The following RUNX1 variants were observed in gnomAD, a reference collection of about 807,000 sequenced individuals.
The protein encoded by RUNX1 is runt-related transcription factor 1.
Under a neutral mutation model 42.8 loss-of-function variants are expected in RUNX1, and 19 were observed. That is an observed-to-expected ratio of 0.44 (90% CI 0.31 to 0.65). RUNX1 has a LOEUF of 0.65. RUNX1 is among the 30% of genes least tolerant of loss of function. The pLI is 0.07. For synonymous variants in RUNX1, 271 were observed against 289.4 expected (o/e 0.94, Z 0.64); for missense variants, 528 against 672.0 (o/e 0.79, Z 2.37).
chr21:34,858,167 G>A lies in RUNX1; in HGVS notation c.613+1307C>T, dbSNP rs1486138589. 3.3e-5 allele frequency among the ~76,000 whole-genome samples: 5 copies of A among 152,346 alleles called. No homozygotes were observed. The East Asian group carries it at 9.6e-4, about 29-fold the overall frequency. ...CTTTGGGAAAGTTGATGCAGCTTGG[G>A]GAATGGTTCCAGAAGGTGACCCAGA... On this transcript the variant is annotated intron_variant, in intron 6 of 8. Transcript: ENST00000675419.
chr21:35,042,437 G>A (rs533375146), intron 2 of RUNX1, among the ~76,000 whole-genome samples: 2 of 152,318 alleles, frequency 1.3e-5, no homozygotes, highest in South Asian at 2.1e-4. Flanking sequence ...CTGGGTTCAC[G>A]AGACATCTGC....
chr21:34,842,686 A>C (rs1408978475), intron 6 of RUNX1, among the ~76,000 whole-genome samples: 4 of 152,080 alleles, frequency 2.6e-5, no homozygotes, highest in Admixed American at 1.3e-4. Context: ...AGAGACATAC[A>C]AAAACACAGA....
intron 7 of RUNX1, among the ~76,000 whole-genome samples, chr21:34,832,456 G>C (rs917400970): frequency 6.6e-6 from 1 of 152,106 alleles, no homozygotes; most frequent in Admixed American, 6.5e-5. Flanking sequence ...AAGACTTTTT[G>C]TTCCCATATC....
At position 35,005,579 on chromosome 21, in the gene RUNX1, C is replaced by T. The variant is rs2059078507; in HGVS notation, c.58+43263G>A. On this transcript the variant is annotated intron_variant, in intron 2 of 8. Transcript: ENST00000675419. Reference sequence around the variant, plus strand: ...ACAGGCTCCACAGTTCCATCCTCATCCCTGGCACCTAATCATAAAGGACAT... The same window carrying T: ...ACAGGCTCCACAGTTCCATCCTCATTCCTGGCACCTAATCATAAAGGACAT... 3.3e-5 allele frequency among the ~76,000 whole-genome samples: 5 copies of T among 152,210 alleles called. No homozygotes were observed. In the South Asian group the frequency reaches 1.0e-3, roughly 32 times the overall value.
intron 2 of RUNX1, among the ~76,000 whole-genome samples, chr21:35,010,215 T>C (rs1232820734): frequency 6.6e-6 from 1 of 152,156 alleles, no homozygotes; most frequent in East Asian, 1.9e-4. Context: ...CCTCCCTAAA[T>C]TTATACCAAT....
At chr21:34,888,268 AG>A in intron 3 of RUNX1, 1 of 1,067,334 alleles carries the variant, frequency 9.4e-7, no homozygotes, top group Non-Finnish European at 1.1e-6. Context: ...GCGGGCCTTG[AG>A]GGAGGGCTCC....
At chr21:34,923,061 C>T (rs770712116) in intron 2 of RUNX1, among the ~76,000 whole-genome samples, 1 of 152,174 alleles carries the variant, frequency 6.6e-6, no homozygotes, top group Non-Finnish European at 1.5e-5. Context: ...TACAGATGGT[C>T]ATTACCAATG....
intron 7 of RUNX1, among the ~76,000 whole-genome samples, chr21:34,812,509 C>T (rs921498972): frequency 1.3e-5 from 2 of 152,332 alleles, no homozygotes; most frequent in East Asian, 1.9e-4. Context: ...AATCTACACT[C>T]GCTCACCCCA....
rs368385070 is a variant in RUNX1 at position 34,899,061 on chromosome 21, G to A, written c.59-6098C>T. Among the ~76,000 whole-genome samples the A allele has an allele frequency of 3.3e-5, 5 of 152,170 alleles. No homozygotes were observed. In the South Asian group the frequency reaches 6.2e-4, roughly 19 times the overall value. ...CCTGAGAAGTTGGGATTACTGGCAC[G>A]TGCCACCATGCCCAGGTACTTTTTG... is the stretch of plus-strand genomic sequence containing the variant. On this transcript the variant is annotated intron_variant, in intron 2 of 8. Coordinates refer to ENST00000675419, the MANE Select transcript of RUNX1 (RefSeq NM_001754.5).
At chr21:35,045,672 A>G (rs555049963) in intron 2 of RUNX1, among the ~76,000 whole-genome samples, 3 of 152,120 alleles carry the variant, frequency 2.0e-5, no homozygotes, top group Non-Finnish European at 4.4e-5. Context: ...GTGAAAATAA[A>G]TTTCTGTGGC....
chr21:34,869,359 AG>A (rs1434318084), intron 5 of RUNX1, among the ~76,000 whole-genome samples: 1 of 152,178 alleles, frequency 6.6e-6, no homozygotes, highest in African/African-American at 2.4e-5. Context: ...GGGGAGACTG[AG>A]GCTGGCACAT....
intron 5 of RUNX1, among the ~76,000 whole-genome samples, chr21:34,876,855 TTTTTC>T (rs1438024484): frequency 1.2e-5 from 1 of 80,800 alleles, no homozygotes; most frequent in Non-Finnish European, 3.1e-5. Flanking sequence ...CTAAAATTTC[TTTTTC>T]TTTTTTCTTT....
At chr21:35,000,334 G>A (rs1249863582) in intron 2 of RUNX1, among the ~76,000 whole-genome samples, 6 of 146,946 alleles carry the variant, frequency 4.1e-5, no homozygotes, top group Non-Finnish European at 8.9e-5. Flanking sequence ...TCCGCCTCCC[G>A]GGTTCACGCC....
intron 2 of RUNX1, among the ~76,000 whole-genome samples, chr21:34,988,952 C>T (rs757100725): frequency 6.6e-6 from 1 of 151,792 alleles, no homozygotes; most frequent in Non-Finnish European, 1.5e-5. Flanking sequence ...CAGGTTCAGG[C>T]AAAGTGGAGA....
intron 6 of RUNX1, among the ~76,000 whole-genome samples, chr21:34,855,005 A>G (rs1343367497): frequency 1.3e-5 from 2 of 152,188 alleles, no homozygotes; most frequent in Non-Finnish European, 1.5e-5. Context: ...CAAGCAGAAC[A>G]CAGTCACGTG....
Position 34,890,115 on chromosome 21 carries a change from A to G in RUNX1, c.97+2810T>C, listed in dbSNP as rs921956583. Among the ~76,000 whole-genome samples the G allele has an allele frequency of 2.0e-5, 3 of 151,780 alleles. No homozygotes were observed. The East Asian group carries it at 5.8e-4, about 30-fold the overall frequency. On this transcript the variant is annotated intron_variant, in intron 3 of 8. Coordinates refer to ENST00000675419, the MANE Select transcript of RUNX1 (RefSeq NM_001754.5). ...GCGTTGCCGCGGGCCCGGACGCAGG[A>G]GGGGGCCGGGGTTGACTGGCGTGGA...
chr21:34,840,103 A>G (rs1197584053), intron 6 of RUNX1, among the ~76,000 whole-genome samples: 1 of 152,174 alleles, frequency 6.6e-6, no homozygotes, highest in East Asian at 1.9e-4. Flanking sequence ...AGTCACTGTC[A>G]TGATAATCAG....
In RUNX1 at chr21:34,819,010, G is replaced by A. The variant is rs143874392; in HGVS notation, c.805+15400C>T. On this transcript the variant is annotated intron_variant, in intron 7 of 8. Transcript: ENST00000675419. ...AGGAAAGCTGAGCGCTCTGATATGG[G>A]TGGTATCTGTGTGACCCTGGGCAAG... 2.3e-3 allele frequency among the ~76,000 whole-genome samples: 347 copies of A among 152,282 alleles called. 3 individuals carry two copies. The highest frequency in any genetic ancestry group is 8.0e-3 in the African/African-American group (333 of 41,548).
intron 7 of RUNX1, among the ~76,000 whole-genome samples, chr21:34,800,342 G>A (rs913940707): frequency 1.3e-5 from 2 of 152,238 alleles, no homozygotes; most frequent in African/African-American, 2.4e-5. Context: ...TTAGGCAAAT[G>A]TGTAAGGAAA....
Sources: allele counts gnomAD v4.1 joint callset (sites outside exome capture counted in the v4.1 genomes callset), GRCh38; gene constraint gnomAD v4.1.1; transcripts MANE v1.5; gene names NCBI Gene and HGNC (gene_info 2026-07-23, HGNC 2026-07-21).